POLD2: variants seen among roughly 807,000 people sequenced by gnomAD.
The protein encoded by POLD2 is DNA polymerase delta subunit 2.
A neutral mutation model predicts 48.8 loss-of-function variants in POLD2; 31 were observed. The ratio of observed to expected loss-of-function variants is 0.64; its 90% CI spans 0.48 to 0.86. The LOEUF is 0.86. Ranked by LOEUF, POLD2 falls within the 40% of genes least tolerant of loss-of-function variation. The probability of loss-of-function intolerance (pLI) is 0.00; values close to 1 mark genes in which losing one functional copy is unlikely to be tolerated. For missense variants in POLD2, 455 were observed against 610.1 expected (o/e 0.75, Z 2.68); for synonymous variants, 233 against 256.3 (o/e 0.91, Z 0.87).
chr7:44,115,727 T>C (rs750073415), intron 9 of POLD2, 39 bp downstream of exon 9: 1 of 1,606,350 alleles, frequency 6.2e-7, no homozygotes, highest in Admixed American at 1.7e-5. Flanking sequence ...CCAGGCCTCC[T>C]GGCCCTCTGC....
In POLD2 at chr7:44,120,822, A is replaced by G. The variant is rs551466482; in HGVS notation, c.220+1012T>C. Among the ~76,000 whole-genome samples the G allele has an allele frequency of 3.3e-4, 51 of 152,340 alleles. 1 individual carries two copies. In the South Asian group the frequency reaches 8.3e-3, roughly 25 times the overall value. ...CCCAGCCATGAGGAACTGTGAGTCA[A>G]TTAAACCTCTTTTCTTTATAAATTA... On this transcript the variant is annotated intron_variant, in intron 2 of 10. Coordinates refer to ENST00000610533, the MANE Select transcript of POLD2 (RefSeq NM_006230.4).
In POLD2 at chr7:44,114,825, G is replaced by A; in HGVS notation, c.1370C>T (p.Ala457Val). ...CQPISFSGFG[A>V]EDDDLGGLGL... ...CAGGCCTCCCAGGTCATCGTCCTCTGCCCCGAAGCCCGAGAAGCTGATGGG... is the reference window on the plus strand; with the variant it reads ...CAGGCCTCCCAGGTCATCGTCCTCTACCCCGAAGCCCGAGAAGCTGATGGG... The change falls in exon 11 of 11, where the codon GCA becomes GTA. Residue 457 changes from alanine (A) to valine (V), a missense_variant. Around this residue, in one of 3 missense-constraint regions of POLD2, gnomAD observed 98 missense variants for 138.6 expected, o/e 0.71. Coordinates refer to ENST00000610533, the MANE Select transcript of POLD2 (RefSeq NM_006230.4). The A allele has an allele frequency of 1.2e-6, 2 of 1,613,810 alleles. No individual in the cohort carries two copies. The highest frequency in any genetic ancestry group is 1.7e-6 in the Non-Finnish European group (2 of 1,179,758).
rs145093588 is a variant in POLD2, at chr7:44,116,219, C to T, written c.915G>A (p.Thr305=). 31 of 1,613,370 alleles carry T rather than the reference C, an allele frequency of 1.9e-5. No homozygotes were observed. The Admixed American group carries it at 2.5e-4, about 13-fold the overall frequency. The change falls in exon 8 of 11, where the codon ACG becomes ACA. Residue 305 remains threonine, a synonymous_variant. Transcript: ENST00000610533. The surrounding 1 kb of genome is among the most constrained non-coding windows in gnomAD (Gnocchi z 6.1). The part of the protein sequence containing the change: ...MPGEFDPTNY[T]LPQQPLHPCM... ...AGGGGTGGAGGGGCTGCTGGGGGAG[C>T]GTGTAATTGGTGGGATCAAACTCGC...
In POLD2 at chr7:44,117,979, C is replaced by T. The variant is rs41561819; in HGVS notation, c.306G>A (p.Pro102=). 6.9e-5 allele frequency: 112 copies of T among 1,614,084 alleles called. No homozygotes were observed. The highest frequency in any genetic ancestry group is 1.6e-4 in the Middle Eastern group (1 of 6,084). Residue 102 remains proline (P), a synonymous_variant, in exon 3 of 11, where the codon CCG becomes CCA. Coordinates refer to ENST00000610533, the MANE Select transcript of POLD2 (RefSeq NM_006230.4). ...CVVGTLFKAM[P]LQPSILREVS... Reference sequence around the variant, plus strand: ...CCTCCCGCAGGATGGAGGGCTGCAGCGGCATGGCCTTGAACAGAGTGCCCA... The same window carrying T: ...CCTCCCGCAGGATGGAGGGCTGCAGTGGCATGGCCTTGAACAGAGTGCCCA...
intron 2 of POLD2, 167 bp from the exon 3 acceptor site, chr7:44,118,231 A>C: frequency 1.4e-6 from 1 of 719,252 alleles, no homozygotes; most frequent in Non-Finnish European, 2.2e-6. Context: ...GACAGTAAAA[A>C]GTGAGTCAGC....
In POLD2 at chr7:44,116,424, G is replaced by C. The variant is rs759840263; in HGVS notation, c.861+6C>G. ...CCATCACCCCTCCAGCCCCCAGCTC[G>C]CTCACGCTCAGCTGCAGGAGGATCT... On this transcript the variant is annotated splice_donor_region_variant and intron_variant, in intron 7 of 10. Transcript: ENST00000610533. This position sits in a 1 kb window ranked among gnomAD's most constrained non-coding sequence, Gnocchi z 6.1. The C allele has an allele frequency of 1.9e-6, 3 of 1,574,916 alleles. No homozygotes were observed. In the South Asian group the frequency reaches 3.5e-5, roughly 18 times the overall value.
intron 2 of POLD2, 147 bp from the exon 3 acceptor site, chr7:44,118,211 A>G: frequency 1.1e-6 from 1 of 902,010 alleles, no homozygotes; most frequent in Non-Finnish European, 1.6e-6. Context: ...GACCCCCTGG[A>G]CTTCACGGTG....
rs2096238671 is a variant in POLD2 at position 44,116,112 on chromosome 7, T to C, written c.1019+3A>G. On this transcript the variant is annotated splice_donor_region_variant and intron_variant, in intron 8 of 10. Transcript: ENST00000610533. This position sits in a 1 kb window ranked among gnomAD's most constrained non-coding sequence, Gnocchi z 6.1. ...CAGACTGAAGTGTGGCTGTGCCAGC[T>C]ACCTGACTCCATCAATGGTGGCCTG... 1 of 1,613,320 alleles carries C rather than the reference T, an allele frequency of 6.2e-7. No homozygotes were observed. Among genetic ancestry groups the C allele is most frequent in the Admixed American group, 1.7e-5 (1 of 60,000 alleles).
Position 44,121,678 on chromosome 7 carries a change from G to C in POLD2, c.220+156C>G, listed in dbSNP as rs2096248326. Among the ~76,000 whole-genome samples the C allele has an allele frequency of 6.6e-6, 1 of 152,178 alleles. No individual in the cohort carries two copies. Among genetic ancestry groups the C allele is most frequent in the South Asian group, 2.1e-4 (1 of 4,836 alleles). Reference sequence around the variant, plus strand: ...CCACAAATTACTTAATTTAATCCTTGTTACTATCTTAAGAAGAAACTGAGG... The same window carrying C: ...CCACAAATTACTTAATTTAATCCTTCTTACTATCTTAAGAAGAAACTGAGG... On this transcript the variant is annotated intron_variant, in intron 2 of 10. Transcript: ENST00000610533. This position sits in a 1 kb window ranked among gnomAD's most constrained non-coding sequence, Gnocchi z 4.5.
rs1260775173 is a variant in POLD2 at position 44,114,898 on chromosome 7, C to T, written c.1297G>A (p.Ala433Thr). ...TTCACAAGGCAGGCGGTCTGCGTGG[C>T]ACTGAAGTCAGGGACAGTCACCAAC... ...VLLVTVPDFS[A>T]TQTACLVNLR... The change falls in exon 11 of 11, where the codon GCC becomes ACC. Residue 433 changes from alanine to threonine, a missense_variant. Transcript: ENST00000610533. 6.8e-6 allele frequency: 11 copies of T among 1,613,684 alleles called. No individual in the cohort carries two copies. Among genetic ancestry groups the T allele is most frequent in the South Asian group, 6.6e-5 (6 of 91,020 alleles).
At position 44,116,130 on chromosome 7, in the gene POLD2, G is replaced by A. The variant is rs2096238714; in HGVS notation, c.1004C>T (p.Thr335Ile). 5 of 1,613,674 alleles carry A rather than the reference G, an allele frequency of 3.1e-6. No homozygotes were observed. In the East Asian group the frequency reaches 6.7e-5, roughly 22 times the overall value. Residue 335 changes from threonine to isoleucine, a missense_variant, in exon 8 of 11, where the codon ACC (threonine) becomes ATC (isoleucine). Physicochemically the swap from Thr to Ile is moderately conservative, Grantham distance 89 (BLOSUM62 -1). Transcript: ENST00000610533. The surrounding 1 kb of genome is among the most constrained non-coding windows in gnomAD (Gnocchi z 6.1). ...LQLVTNPYQA[T>I]IDGVRFLGTS... is the part of the protein sequence containing the mutation. The stretch of plus-strand genomic sequence containing the variant: ...TGCCAGCTACCTGACTCCATCAATG[G>A]TGGCCTGGTAGGGGTTGGTGACCAG...
intron 2 of POLD2, 185 bp from the exon 3 acceptor site, chr7:44,118,249 G>A: frequency 3.3e-6 from 2 of 604,998 alleles, no homozygotes; most frequent in Non-Finnish European, 5.6e-6. Flanking sequence ...AGCCACAGGA[G>A]ACCAGGGACT....
At chr7:44,115,676 G>GT in intron 9 of POLD2, 90 bp downstream of exon 9, 2 of 1,426,596 alleles carry the variant, frequency 1.4e-6, no homozygotes, top group Non-Finnish European at 1.9e-6. Context: ...ATGCTGGCAA[G>GT]TGCAAACCCA....
chr7:44,122,395 T>C, intron 1 of POLD2: 1 of 1,149,774 alleles, frequency 8.7e-7, no homozygotes, highest in Non-Finnish European at 1.1e-6. Context: ...ACTACCAGGG[T>C]CTCAATCAAG....
At position 44,116,960 on chromosome 7, in the gene POLD2, G is replaced by A. The variant is rs767145440; in HGVS notation, c.637C>T (p.Leu213=). 1 of 1,613,564 alleles carries A rather than the reference G, an allele frequency of 6.2e-7. No individual in the cohort carries two copies. Among genetic ancestry groups the A allele is most frequent in the Admixed American group, 1.7e-5 (1 of 60,000 alleles). ...GLGGGGGESL[L]GTQLLVDVVT... ...ACATCCACCAGCAGCTGGGTGCCCA[G>A]CAGGCTCTCGCCTCCACCGCCACCC... The change falls in exon 6 of 11, where the codon CTG becomes TTG. Residue 213 remains leucine (L), a synonymous_variant. Transcript: ENST00000610533. The surrounding 1 kb of genome is among the most constrained non-coding windows in gnomAD (Gnocchi z 6.1).
In POLD2 at chr7:44,116,951, G is replaced by T; in HGVS notation, c.646C>A (p.Gln216Lys). The T allele has an allele frequency of 1.9e-6, 3 of 1,613,790 alleles. No homozygotes were observed. The highest frequency in any genetic ancestry group is 1.1e-5 in the South Asian group (1 of 91,076). ...GGGGESLLGTQLLVDVVTGQL... is the reference protein window; with the variant it reads ...GGGGESLLGTKLLVDVVTGQL... ...CCCGTCACCACATCCACCAGCAGCT[G>T]GGTGCCCAGCAGGCTCTCGCCTCCA... The change falls in exon 6 of 11, where the codon CAG becomes AAG. Residue 216 changes from glutamine to lysine, a missense_variant. Coordinates refer to ENST00000610533, the MANE Select transcript of POLD2 (RefSeq NM_006230.4). The surrounding 1 kb of genome is among the most constrained non-coding windows in gnomAD (Gnocchi z 6.1).
chr7:44,117,104 G>A (rs1378420983), intron 5 of POLD2, 29 bp downstream of exon 5: 1 of 1,610,726 alleles, frequency 6.2e-7, no homozygotes. Context: ...ACCATGAGCT[G>A]GTTCCAGCTC....
chr7:44,118,131 C>A lies in POLD2; in HGVS notation c.221-67G>T, dbSNP rs1396833507. 12 of 1,585,092 alleles carry A rather than the reference C, an allele frequency of 7.6e-6. No homozygotes were observed. The African/African-American group carries it at 1.2e-4, about 16-fold the overall frequency. On this transcript the variant is annotated intron_variant, in intron 2 of 10. Transcript: ENST00000610533. Reference sequence around the variant, plus strand: ...CCCGCCCGACAGAGGCCATGGAGGCCCTGCCCAGCACTCCATGAGAGGCCA... The same window carrying A: ...CCCGCCCGACAGAGGCCATGGAGGCACTGCCCAGCACTCCATGAGAGGCCA...
intron 3 of POLD2, 36 bp downstream of exon 3, chr7:44,117,907 T>G (rs745521108): frequency 1.9e-6 from 3 of 1,608,866 alleles, no homozygotes; most frequent in Non-Finnish European, 2.5e-6. Context: ...AGGCCAGGTC[T>G]GCCTGGCGGC....
Sources: gnomAD v4.1 joint callset for allele counts (sites outside exome capture counted in the v4.1 genomes callset) on GRCh38, gnomAD v4.1.1 for gene constraint, gnomAD v4.1.1 regional missense constraint, Gnocchi (gnomAD v3.1) non-coding constraint, MANE v1.5 for transcripts, NCBI Gene and HGNC (gene_info 2026-07-23, HGNC 2026-07-21) for gene names.